Variants in EPHA6 observed in about 807,000 individuals in gnomAD.
EPHA6 encodes EPH receptor A6, also known as ephrin type-A receptor 6.
Under a neutral mutation model 112.0 loss-of-function variants are expected in EPHA6, and 50 were observed. The observed-to-expected ratio is 0.45, with a 90% CI of 0.36 to 0.56. The LOEUF (loss-of-function observed/expected upper bound fraction) is 0.56. Ranked by LOEUF, EPHA6 falls within the 20% of genes least tolerant of loss-of-function variation. The pLI is 0.00. For missense variants in EPHA6, 1,280 were observed against 1,417.4 expected (o/e 0.90, Z 1.56); for synonymous variants, 529 against 490.7 (o/e 1.08, Z -1.03).
Position 97,367,576 on chromosome 3 carries a change from T to A in EPHA6, c.1607-37574T>A, listed in dbSNP as rs191762226. Reference sequence around the variant, plus strand: ...GTTGGGGGGTTGTTTTTATTTATTTTTTTTTTGTAGTTTTCTGTTTCTAGC... The same window carrying A: ...GTTGGGGGGTTGTTTTTATTTATTTATTTTTTGTAGTTTTCTGTTTCTAGC... On this transcript the variant is annotated intron_variant, in intron 5 of 17. Coordinates refer to ENST00000389672, the MANE Select transcript of EPHA6 (RefSeq NM_001080448.3). Among the ~76,000 whole-genome samples, 1,053 of 152,182 alleles carry A rather than the reference T, an allele frequency of 6.9e-3. 6 individuals are homozygous for A. Among genetic ancestry groups the A allele is most frequent in the Admixed American group, 9.8e-3 (150 of 15,288 alleles).
rs1336906980 is a variant in EPHA6, at chr3:97,176,571, A to G, written c.1115-49693A>G. On this transcript the variant is annotated intron_variant, in intron 3 of 17. Coordinates refer to ENST00000389672, the MANE Select transcript of EPHA6 (RefSeq NM_001080448.3). ...TTATTTAATAGCTTTGATTTTTGTT[A>G]CTTTTTATTGGTTTATTGAGGTTTT... Among the ~76,000 whole-genome samples, 3 of 150,722 alleles carry G rather than the reference A, an allele frequency of 2.0e-5. No homozygotes were observed. The East Asian group carries it at 5.8e-4, about 29-fold the overall frequency.
At chr3:96,985,074 C>T (rs991416617) in intron 2 of EPHA6, among the ~76,000 whole-genome samples, 12 of 152,092 alleles carry the variant, frequency 7.9e-5, no homozygotes, top group Admixed American at 1.3e-4. Flanking sequence ...CACTGTCTGA[C>T]GAGCCCCATT....
Position 97,229,882 on chromosome 3 carries a change from A to AT in EPHA6, c.1270+3471dup, listed in dbSNP as rs552001832. On this transcript the variant is annotated intron_variant, in intron 4 of 17. Coordinates refer to ENST00000389672, the MANE Select transcript of EPHA6 (RefSeq NM_001080448.3). ...CAGCCTAGAAAATTACTACTTAGGT[A>AT]TTTTTTTTCCTGTGAACATATTTTA... 3.5e-3 allele frequency among the ~76,000 whole-genome samples: 529 copies of AT among 152,036 alleles called. 1 individual carries two copies. The highest frequency in any genetic ancestry group is 0.011 in the African/African-American group (475 of 41,524).
intron 2 of EPHA6, among the ~76,000 whole-genome samples, chr3:96,968,455 T>C (rs1337925043): frequency 6.6e-6 from 1 of 151,652 alleles, no homozygotes; most frequent in Non-Finnish European, 1.5e-5. Flanking sequence ...AAATATTTCA[T>C]AAATATTTTT....
chr3:96,911,026 A>G (rs1046694002), intron 2 of EPHA6, among the ~76,000 whole-genome samples: 3 of 152,024 alleles, frequency 2.0e-5, no homozygotes, highest in Non-Finnish European at 4.4e-5. Flanking sequence ...TTTGCTTGAA[A>G]TATATTGGTG....
chr3:97,209,602 G>A (rs2077810848), intron 3 of EPHA6, among the ~76,000 whole-genome samples: 1 of 152,110 alleles, frequency 6.6e-6, no homozygotes, highest in Admixed American at 6.5e-5. Flanking sequence ...CTATAAAAAT[G>A]TATGCTTTCC....
At position 97,448,109 on chromosome 3, in the gene EPHA6, C is replaced by T. The variant is rs556523746; in HGVS notation, c.1732-459C>T. On this transcript the variant is annotated intron_variant, in intron 6 of 17. Transcript: ENST00000389672. ...ACTTTAAAAAGCAATTAATTTATTTCTCCTTTCACCCACAGGTCTACCCAC... is the reference window on the plus strand; with the variant it reads ...ACTTTAAAAAGCAATTAATTTATTTTTCCTTTCACCCACAGGTCTACCCAC... Among the ~76,000 whole-genome samples, 4 of 152,222 alleles carry T rather than the reference C, an allele frequency of 2.6e-5. No individual in the cohort carries two copies. The South Asian group carries it at 8.3e-4, about 32-fold the overall frequency.
chr3:97,012,869 A>G (rs1172904459), intron 3 of EPHA6, among the ~76,000 whole-genome samples: 1 of 151,862 alleles, frequency 6.6e-6, no homozygotes, highest in African/African-American at 2.4e-5. Flanking sequence ...AACACTTTTC[A>G]TATGTTTCTT....
In EPHA6 at chr3:97,041,851, T is replaced by G. The variant is rs140336686; in HGVS notation, c.1114+53858T>G. Among the ~76,000 whole-genome samples the G allele has an allele frequency of 4.5e-3, 680 of 152,118 alleles. 6 individuals are homozygous for G. Among genetic ancestry groups the G allele is most frequent in the African/African-American group, 0.016 (655 of 41,526 alleles). ...TCTCCTGAGAACTCACTCACTATCA[T>G]GCGAACAGCAAGGGGAAAATCCTCC... On this transcript the variant is annotated intron_variant, in intron 3 of 17. Transcript: ENST00000389672.
chr3:97,405,834 T>A (rs1461779505), intron 6 of EPHA6, among the ~76,000 whole-genome samples: 2 of 152,168 alleles, frequency 1.3e-5, no homozygotes, highest in African/African-American at 4.8e-5. Context: ...TTATTTATAA[T>A]AATGGAACCC....
intron 2 of EPHA6, among the ~76,000 whole-genome samples, chr3:96,941,837 G>T (rs146841182): frequency 0.029 from 4,442 of 152,284 alleles, 211 homozygotes; most frequent in African/African-American, 0.1. Flanking sequence ...TCAGCTACAG[G>T]TCTGTTCGAG....
At chr3:97,157,901 A>C (rs1375813513) in intron 3 of EPHA6, among the ~76,000 whole-genome samples, 1 of 152,124 alleles carries the variant, frequency 6.6e-6, no homozygotes, top group Non-Finnish European at 1.5e-5. Flanking sequence ...CACCCAGATT[A>C]ATATTTGGTC....
chr3:97,031,475 A>G (rs1253762056), intron 3 of EPHA6, among the ~76,000 whole-genome samples: 1 of 152,164 alleles, frequency 6.6e-6, no homozygotes, highest in Non-Finnish European at 1.5e-5. Context: ...GAGCTTCTAC[A>G]CAGCAAAAGA....
At chr3:97,591,758 A>T (rs79998509) in intron 11 of EPHA6, among the ~76,000 whole-genome samples, 6,181 of 152,242 alleles carry the variant, frequency 0.041, 184 homozygotes, top group Middle Eastern at 0.058. Flanking sequence ...TATTCAGAGG[A>T]TAGCAATCTC....
intron 3 of EPHA6, among the ~76,000 whole-genome samples, chr3:97,049,164 T>G (rs766009274): frequency 6.6e-6 from 1 of 152,142 alleles, no homozygotes; most frequent in Non-Finnish European, 1.5e-5. Context: ...GCCAGTGAAA[T>G]GTAAAGGCTT....
intron 1 of EPHA6, among the ~76,000 whole-genome samples, chr3:96,848,185 C>G (rs1167674041): frequency 6.6e-6 from 1 of 151,786 alleles, no homozygotes; most frequent in African/African-American, 2.4e-5. Context: ...TGAAATTATA[C>G]CAATGTATAT....
rs62670860 is a variant in EPHA6, at chr3:97,596,875, AATATATATATATATAT to A, written c.2512+4153_2512+4168del. Among the ~76,000 whole-genome samples the A allele has an allele frequency of 1.3e-4, 13 of 100,408 alleles. 1 individual carries two copies. The highest frequency in any genetic ancestry group is 7.4e-4 in the African/African-American group (13 of 17,482). 65.9% of individuals were successfully genotyped at this position (100,408 alleles called of 152,430 possible). ...GCAACAATTCCATATATATCTATGG[AATATATATATATATAT>A]ATATATATATATATGTATGTATATA... On this transcript the variant is annotated intron_variant, in intron 12 of 17. Transcript: ENST00000389672.
intron 7 of EPHA6, among the ~76,000 whole-genome samples, chr3:97,474,564 A>G (rs1412238361): frequency 2.0e-5 from 3 of 151,888 alleles, no homozygotes; most frequent in East Asian, 1.9e-4. Context: ...GGAATTGCCT[A>G]TTCCACTCAT....
chr3:97,534,724 A>C (rs2092740181), intron 11 of EPHA6, among the ~76,000 whole-genome samples: 1 of 152,028 alleles, frequency 6.6e-6, no homozygotes, highest in Non-Finnish European at 1.5e-5. Context: ...ATAGATGTTA[A>C]TTATTTCTTT....
Sources: gnomAD v4.1 joint callset for allele counts (sites outside exome capture counted in the v4.1 genomes callset) on GRCh38, gnomAD v4.1.1 for gene constraint, MANE v1.5 for transcripts, NCBI Gene and HGNC (gene_info 2026-07-23, HGNC 2026-07-21) for gene names.